TAS2R1: variants seen among roughly 807,000 people sequenced by gnomAD.
TAS2R1 encodes taste receptor type 2 member 1.
For missense variants in TAS2R1, 370 were observed against 353.4 expected, an observed-to-expected ratio of 1.05 and a Z score of -0.38; for synonymous variants, 141 against 134.2, an observed-to-expected ratio of 1.05 and a Z score of -0.35.
chr5:9,793,530 C>T, the TAS2R1 span, among the ~76,000 whole-genome samples: 2 of 152,060 alleles, frequency 1.3e-5, no homozygotes, highest in Non-Finnish European at 2.9e-5. Context: ...AGATAGGAGG[C>T]CTTGGAAGAC....
At chr5:9,632,576 T>A (rs1739890194), upstream of TAS2R1, among the ~76,000 whole-genome samples, 1 of 152,232 alleles carries the variant, frequency 6.6e-6, no homozygotes, top group African/African-American at 2.4e-5. Context: ...GCCACTACTT[T>A]ATTAACTAAG....
At position 9,629,804 on chromosome 5, in the gene TAS2R1, T is replaced by C. The variant is rs368379193; in HGVS notation, c.229A>G (p.Met77Val). The part of the protein sequence containing the change: ...VIVIFFIEFI[M>V]CSANCAILLF... ...AGAATTGCACAATTCGCAGAACACATGATGAATTCTATGAAGAAGATAACA... is the reference window on the plus strand; with the variant it reads ...AGAATTGCACAATTCGCAGAACACACGATGAATTCTATGAAGAAGATAACA... The change falls in exon 1 of 1, where the codon ATG becomes GTG. Residue 77 changes from methionine to valine, a missense_variant. Coordinates refer to ENST00000382492, the MANE Select transcript of TAS2R1 (RefSeq NM_019599.3). The C allele has an allele frequency of 3.1e-6, 5 of 1,613,768 alleles. No homozygotes were observed. The African/African-American group carries it at 5.3e-5, about 17-fold the overall frequency.
chr5:9,735,731 T>G, the TAS2R1 span, among the ~76,000 whole-genome samples: 6 of 152,238 alleles, frequency 3.9e-5, no homozygotes, highest in African/African-American at 1.2e-4. Context: ...ATCCCTCGAC[T>G]CATCTGAATA....
chr5:9,779,289 C>T, the TAS2R1 span, among the ~76,000 whole-genome samples: 1 of 152,150 alleles, frequency 6.6e-6, no homozygotes, highest in Non-Finnish European at 1.5e-5. Context: ...GAGACCTCAC[C>T]AGAAGGGGAG....
At chr5:9,792,683 GAGGAAA>G in the TAS2R1 span, among the ~76,000 whole-genome samples, 7 of 152,064 alleles carry the variant, frequency 4.6e-5, no homozygotes, top group African/African-American at 1.7e-4. Context: ...GACGACTTAG[GAGGAAA>G]CATGGCAGCG....
At chr5:9,756,479 T>G in the TAS2R1 span, among the ~76,000 whole-genome samples, 24 of 152,226 alleles carry the variant, frequency 1.6e-4, no homozygotes, top group Non-Finnish European at 3.2e-4. Flanking sequence ...TTCATATTCA[T>G]AACATTGTAC....
chr5:9,693,647 A>G (rs1044075597), intron 1 of TAS2R1, among the ~76,000 whole-genome samples: 7 of 151,884 alleles, frequency 4.6e-5, no homozygotes, highest in Non-Finnish European at 1.5e-5. Flanking sequence ...AAGAGGCATA[A>G]TAATAATAAA....
rs751189063 is a variant in TAS2R1 at position 9,629,517 on chromosome 5, C to T, written c.516G>A (p.Leu172=). The stretch of plus-strand genomic sequence containing the variant: ...CAACAAAAGAGAAAATCTGTATAGC[C>T]AGTGTATCTTCTTTTTGAATTGTGG... ...QNATIQKEDT[L]AIQIFSFVAE... is the part of the protein sequence containing the mutation. Residue 172 remains leucine (L), a synonymous_variant, in exon 1 of 1, where the codon CTG becomes CTA. Coordinates refer to ENST00000382492, the MANE Select transcript of TAS2R1 (RefSeq NM_019599.3). 5.6e-6 allele frequency: 9 copies of T among 1,613,998 alleles called. No individual in the cohort carries two copies. In the Admixed American group the frequency reaches 1.5e-4, roughly 27 times the overall value.
At chr5:9,754,026 A>G in the TAS2R1 span, among the ~76,000 whole-genome samples, 3 of 152,200 alleles carry the variant, frequency 2.0e-5, no homozygotes, top group South Asian at 2.1e-4. Context: ...CTGGCAAACC[A>G]AATCCAGCAG....
At chr5:9,899,635 T>TAA in the TAS2R1 span, among the ~76,000 whole-genome samples, 618 of 137,368 alleles carry the variant, frequency 4.5e-3, 4 homozygotes, top group South Asian at 0.012. Flanking sequence ...AGACTCTGTC[T>TAA]AAAAAAAAAA....
the TAS2R1 span, among the ~76,000 whole-genome samples, chr5:9,780,693 G>A: frequency 4.5e-3 from 687 of 151,936 alleles, 1 homozygote; most frequent in Non-Finnish European, 6.1e-3. Context: ...GTGTGTGTGC[G>A]CGCGCGCGCG....
the TAS2R1 span, among the ~76,000 whole-genome samples, chr5:9,844,541 A>T: frequency 6.6e-6 from 1 of 152,198 alleles, no homozygotes; most frequent in Non-Finnish European, 1.5e-5. Context: ...ACCTCATTAT[A>T]TAGCCTCAAA....
chr5:9,780,927 C>T, the TAS2R1 span, among the ~76,000 whole-genome samples: 1 of 152,202 alleles, frequency 6.6e-6, no homozygotes, highest in Non-Finnish European at 1.5e-5. Context: ...TTCAAGACTG[C>T]AGCATCAACT....
chr5:9,682,655 C>A (rs149671200), intron 1 of TAS2R1, among the ~76,000 whole-genome samples: 2 of 152,140 alleles, frequency 1.3e-5, no homozygotes, highest in South Asian at 4.1e-4. Context: ...TAACATTTCA[C>A]AGGGCAGATC....
chr5:9,685,602 C>G (rs982119463), intron 1 of TAS2R1, among the ~76,000 whole-genome samples: 2 of 152,082 alleles, frequency 1.3e-5, no homozygotes, highest in Non-Finnish European at 2.9e-5. Flanking sequence ...TTTAGGCAGG[C>G]TGAGGAGGTT....
the TAS2R1 span, among the ~76,000 whole-genome samples, chr5:9,726,896 G>A: frequency 0.038 from 5,809 of 152,328 alleles, 402 homozygotes; most frequent in African/African-American, 0.13. Flanking sequence ...ATTCTCCATA[G>A]AAGACTTGTT....
chr5:9,739,096 G>A, the TAS2R1 span, among the ~76,000 whole-genome samples: 9 of 152,168 alleles, frequency 5.9e-5, no homozygotes, highest in Non-Finnish European at 1.2e-4. Flanking sequence ...GCCTTTAACT[G>A]CTTTATTAAT....
At chr5:9,848,357 G>A in the TAS2R1 span, among the ~76,000 whole-genome samples, 2 of 152,114 alleles carry the variant, frequency 1.3e-5, no homozygotes, top group Non-Finnish European at 2.9e-5. Context: ...TGAAACAATG[G>A]AGGCATCCAA....
chr5:9,749,409 G>A, the TAS2R1 span, among the ~76,000 whole-genome samples: 1 of 152,198 alleles, frequency 6.6e-6, no homozygotes, highest in African/African-American at 2.4e-5. Flanking sequence ...GCATAGTGAT[G>A]TAGCTGATAC....
Sources: gnomAD v4.1 joint callset for allele counts (sites outside exome capture counted in the v4.1 genomes callset) on GRCh38, gnomAD v4.1.1 for gene constraint, MANE v1.5 for transcripts, NCBI Gene and HGNC (gene_info 2026-07-23, HGNC 2026-07-21) for gene names.